The following HSD17B2 variants were observed in gnomAD, a reference collection of about 807,000 sequenced individuals.
HSD17B2 encodes hydroxysteroid 17-beta dehydrogenase 2, also known as 17-beta-hydroxysteroid dehydrogenase type 2.
A neutral mutation model predicts 26.9 loss-of-function variants in HSD17B2; 32 were observed. That is an observed-to-expected ratio of 1.19 (90% CI 0.90 to 1.60). The LOEUF (loss-of-function observed/expected upper bound fraction) is 1.60. HSD17B2 is among the 40% of genes most tolerant of loss of function. The pLI is 0.00. For synonymous variants in HSD17B2, 246 were observed against 186.7 expected (o/e 1.32, Z -2.59); for missense variants, 613 against 468.6 (o/e 1.31, Z -2.85).
intron 1 of HSD17B2, among the ~76,000 whole-genome samples, chr16:82,043,595 A>G (rs1304425884): frequency 1.5e-5 from 2 of 133,916 alleles, no homozygotes; most frequent in African/African-American, 7.3e-5. Context: ...GAGGCAGGAG[A>G]ATGGCGTGAA....
At chr16:82,083,168 C>T (rs190810861) in intron 3 of HSD17B2, among the ~76,000 whole-genome samples, 12 of 152,266 alleles carry the variant, frequency 7.9e-5, no homozygotes, top group East Asian at 3.9e-4. Flanking sequence ...TACACTCCTA[C>T]GGGTGGGAAG....
At chr16:82,067,940 T>C (rs1391217994) in intron 1 of HSD17B2, among the ~76,000 whole-genome samples, 1 of 152,170 alleles carries the variant, frequency 6.6e-6, no homozygotes. Flanking sequence ...CTATGCCCAC[T>C]CACAACCCCT....
intron 4 of HSD17B2, 66 bp from the exon 5 acceptor site, chr16:82,098,009 A>G: frequency 2.0e-6 from 3 of 1,516,972 alleles, no homozygotes; most frequent in Non-Finnish European, 2.7e-6. Flanking sequence ...CAACAGAGAC[A>G]AGCGCCTGCT....
chr16:82,045,617 G>T (rs1247046561), intron 1 of HSD17B2, among the ~76,000 whole-genome samples: 1 of 152,214 alleles, frequency 6.6e-6, no homozygotes, highest in African/African-American at 2.4e-5. Context: ...ATTCATTAAT[G>T]TGCCTCATCA....
intron 3 of HSD17B2, among the ~76,000 whole-genome samples, chr16:82,081,300 C>T (rs1904373305): frequency 6.6e-6 from 1 of 152,124 alleles, no homozygotes; most frequent in Admixed American, 6.6e-5. Context: ...TCCCTAAATT[C>T]TCCTCTCTCC....
At chr16:82,083,359 C>T (rs1156493222) in intron 3 of HSD17B2, among the ~76,000 whole-genome samples, 1 of 152,070 alleles carries the variant, frequency 6.6e-6, no homozygotes, top group Admixed American at 6.6e-5. Context: ...TAAGAATCTT[C>T]TAGGATGCCA....
intron 3 of HSD17B2, chr16:82,090,371 G>A (rs1208199932): frequency 1.2e-5 from 2 of 164,846 alleles, no homozygotes; most frequent in East Asian, 2.2e-4. Flanking sequence ...AGGCTGGAGT[G>A]CAGTGGCGTG....
At chr16:82,063,446 C>T (rs1914496909) in intron 1 of HSD17B2, among the ~76,000 whole-genome samples, 1 of 152,056 alleles carries the variant, frequency 6.6e-6, no homozygotes, top group South Asian at 2.1e-4. Context: ...GCAGGAATAG[C>T]AGGGCTAGAC....
At chr16:82,084,581 A>C (rs1276692413) in intron 3 of HSD17B2, among the ~76,000 whole-genome samples, 1 of 152,122 alleles carries the variant, frequency 6.6e-6, no homozygotes, top group Admixed American at 6.6e-5. Flanking sequence ...TTTACCTAGA[A>C]TTAGAGGAAG....
intron 1 of HSD17B2, among the ~76,000 whole-genome samples, chr16:82,041,664 C>T (rs182116175): frequency 4.4e-4 from 67 of 152,348 alleles, no homozygotes; most frequent in African/African-American, 1.3e-3. Context: ...TTCATGGCCT[C>T]GTTAGCCTTG....
At chr16:82,073,098 T>C (rs550357526) in intron 3 of HSD17B2, among the ~76,000 whole-genome samples, 1 of 152,280 alleles carries the variant, frequency 6.6e-6, no homozygotes, top group South Asian at 2.1e-4. Context: ...ACCTTCCACA[T>C]ATCTTCAACT....
At chr16:82,045,119 T>A in intron 1 of HSD17B2, among the ~76,000 whole-genome samples, 1 of 48,042 alleles carries the variant, frequency 2.1e-5, no homozygotes. Flanking sequence ...TAAAACTCTG[T>A]CCAAAAAAAA....
chr16:82,038,269 C>T (rs1431874838), intron 1 of HSD17B2, among the ~76,000 whole-genome samples: 2 of 152,158 alleles, frequency 1.3e-5, no homozygotes, highest in Non-Finnish European at 2.9e-5. Flanking sequence ...TGTTTGAATA[C>T]ATATTTGTCT....
At chr16:82,050,412 T>G (rs1914072975) in intron 1 of HSD17B2, among the ~76,000 whole-genome samples, 1 of 152,142 alleles carries the variant, frequency 6.6e-6, no homozygotes, top group Non-Finnish European at 1.5e-5. Context: ...CCACGGCTCG[T>G]CACCTCCCCT....
chr16:82,090,183 T>G, intron 3 of HSD17B2: 1 of 972,676 alleles, frequency 1.0e-6, no homozygotes, highest in Non-Finnish European at 1.2e-6. Flanking sequence ...GTGGGTTGAA[T>G]AGTGGACCCT....
chr16:82,048,461 T>C (rs894067988), intron 1 of HSD17B2, among the ~76,000 whole-genome samples: 9 of 152,146 alleles, frequency 5.9e-5, no homozygotes, highest in African/African-American at 1.2e-4. Flanking sequence ...TGAGCAACTC[T>C]GAAAATTTGA....
chr16:82,053,288 A>G (rs1041934251), intron 1 of HSD17B2, among the ~76,000 whole-genome samples: 1 of 152,188 alleles, frequency 6.6e-6, no homozygotes, highest in African/African-American at 2.4e-5. Flanking sequence ...AAGCCAAACC[A>G]AAAGTCTTAC....
chr16:82,097,272 GTGTGTA>G (rs1247652283), intron 4 of HSD17B2: 21 of 97,474 alleles, frequency 2.2e-4, no homozygotes, highest in Non-Finnish European at 5.3e-4. Context: ...ATGTCTATGT[GTGTGTA>G]TGTGTGTGTG....
intron 1 of HSD17B2, among the ~76,000 whole-genome samples, chr16:82,040,302 G>C (rs1227525802): frequency 6.6e-6 from 1 of 152,228 alleles, no homozygotes; most frequent in Non-Finnish European, 1.5e-5. Context: ...TTTCACGTTA[G>C]ATTATTAAGA....
Sources: gnomAD v4.1 joint callset for allele counts (sites outside exome capture counted in the v4.1 genomes callset) on GRCh38, gnomAD v4.1.1 for gene constraint, MANE v1.5 for transcripts, NCBI Gene and HGNC (gene_info 2026-07-23, HGNC 2026-07-21) for gene names.